VRK1: variants seen among roughly 807,000 people sequenced by gnomAD.
VRK1 encodes the protein VRK serine/threonine kinase 1, also known as serine/threonine-protein kinase VRK1.
In VRK1, 33 loss-of-function variants were observed where a neutral mutation model predicts 57.1. That is an observed-to-expected ratio of 0.58 (90% CI 0.44 to 0.77). The LOEUF (loss-of-function observed/expected upper bound fraction) is 0.77. VRK1 is among the 30% of genes least tolerant of loss of function. VRK1 has a pLI of 0.00. For missense variants in VRK1, 413 were observed against 477.3 expected (o/e 0.87, Z 1.25); for synonymous variants, 137 against 147.8 (o/e 0.93, Z 0.53).
Position 96,876,140 on chromosome 14 carries a change from C to G in VRK1, c.1159+20C>G. ...AGACCCGTAAGTTGAACAGTTTTGC[C>G]TAGCTGCTTTCATAGGTAAACACAA... On this transcript the variant is annotated intron_variant, in intron 12 of 12. Transcript: ENST00000216639. 1.2e-6 allele frequency: 2 copies of G among 1,612,434 alleles called. No homozygotes were observed. The highest frequency in any genetic ancestry group is 3.3e-5 in the Admixed American group (2 of 59,998).
intron 1 of VRK1, among the ~76,000 whole-genome samples, chr14:96,829,895 G>A (rs1250362976): frequency 6.6e-6 from 1 of 151,964 alleles, no homozygotes; most frequent in African/African-American, 2.4e-5. Context: ...TATTGCTATG[G>A]GAGTGGCAGA....
intron 1 of VRK1, among the ~76,000 whole-genome samples, chr14:96,807,021 G>T (rs890972248): frequency 6.6e-6 from 1 of 152,152 alleles, no homozygotes; most frequent in Non-Finnish European, 1.5e-5. Flanking sequence ...ATGATGAAAT[G>T]CCTCCAACGA....
In VRK1 at chr14:96,865,328, G is replaced by C. The variant is rs144271393; in HGVS notation, c.1068+4593G>C. ...AAGACGATCGTGTCCTTACAGCATT[G>C]CAGTGGTAACCATAGGTATTTTAGT... On this transcript the variant is annotated intron_variant, in intron 11 of 12. Transcript: ENST00000216639. 4.5e-3 allele frequency among the ~76,000 whole-genome samples: 685 copies of C among 152,190 alleles called. 5 individuals are homozygous for C. Among genetic ancestry groups the C allele is most frequent in the African/African-American group, 0.016 (658 of 41,510 alleles).
At position 96,851,302 on chromosome 14, in the gene VRK1, G is replaced by A. The variant is rs547921026; in HGVS notation, c.375-1529G>A. Reference sequence around the variant, plus strand: ...ATTACAGGTTCCTGCCACCGTGCCCGGCTAATTTTTGTGTTTTTAGTAGAG... The same window carrying A: ...ATTACAGGTTCCTGCCACCGTGCCCAGCTAATTTTTGTGTTTTTAGTAGAG... On this transcript the variant is annotated intron_variant, in intron 5 of 12. Coordinates refer to ENST00000216639, the MANE Select transcript of VRK1 (RefSeq NM_003384.3). 2.0e-4 allele frequency among the ~76,000 whole-genome samples: 31 copies of A among 151,998 alleles called. No individual in the cohort carries two copies. The South Asian group carries it at 5.0e-3, about 24-fold the overall frequency.
intron 7 of VRK1, 40 bp downstream of exon 7, chr14:96,853,206 TG>T (rs1437580804): frequency 1.9e-6 from 3 of 1,555,590 alleles, no homozygotes; most frequent in Non-Finnish European, 2.7e-6. Flanking sequence ...TAAAGCGTGT[TG>T]TTTGAAAATA....
intron 1 of VRK1, among the ~76,000 whole-genome samples, chr14:96,802,439 T>C (rs1488098404): frequency 1.3e-5 from 2 of 152,202 alleles, no homozygotes; most frequent in Non-Finnish European, 2.9e-5. Context: ...AAACAAACTG[T>C]TGGTTCATGC....
intron 3 of VRK1, among the ~76,000 whole-genome samples, chr14:96,841,439 A>G (rs2139768653): frequency 6.6e-6 from 1 of 152,280 alleles, no homozygotes; most frequent in East Asian, 1.9e-4. Flanking sequence ...TTCTGTTTCC[A>G]TTATCCTTTA....
chr14:96,848,523 A>T (rs115841811), intron 5 of VRK1, among the ~76,000 whole-genome samples: 76 of 152,318 alleles, frequency 5.0e-4, no homozygotes, highest in African/African-American at 1.5e-3. Context: ...CTTGGGATCC[A>T]TGCCTCTCTT....
intron 1 of VRK1, among the ~76,000 whole-genome samples, chr14:96,819,007 G>A (rs1886496008): frequency 6.6e-6 from 1 of 152,178 alleles, no homozygotes; most frequent in African/African-American, 2.4e-5. Flanking sequence ...TTTATAAGAG[G>A]ATTGTCTTTA....
intron 11 of VRK1, among the ~76,000 whole-genome samples, chr14:96,865,604 C>T (rs866677169): frequency 3.3e-5 from 5 of 152,140 alleles, no homozygotes; most frequent in South Asian, 2.1e-4. Context: ...TAGAGCAATT[C>T]GGAAAGAACT....
chr14:96,804,040 C>T (rs1400176041), intron 1 of VRK1, among the ~76,000 whole-genome samples: 2 of 152,192 alleles, frequency 1.3e-5, no homozygotes, highest in Non-Finnish European at 1.5e-5. Flanking sequence ...TAAAGTCCAA[C>T]TTCTCAATAT....
At chr14:96,815,310 T>C (rs1886350729) in intron 1 of VRK1, among the ~76,000 whole-genome samples, 1 of 152,198 alleles carries the variant, frequency 6.6e-6, no homozygotes, top group African/African-American at 2.4e-5. Context: ...AGGTGTATAA[T>C]ATTCTATCTC....
chr14:96,827,545 C>A (rs1886846597), intron 1 of VRK1, among the ~76,000 whole-genome samples: 1 of 151,998 alleles, frequency 6.6e-6, no homozygotes, highest in African/African-American at 2.4e-5. Flanking sequence ...AGCTCACTGG[C>A]CCTACAGAGA....
intron 12 of VRK1, among the ~76,000 whole-genome samples, 200 bp downstream of exon 12, chr14:96,876,320 C>G (rs1889030431): frequency 6.6e-6 from 1 of 152,108 alleles, no homozygotes; most frequent in African/African-American, 2.4e-5. Context: ...AAAGTTGAGA[C>G]TGGGAAGCTT....
rs34415863 is a variant in VRK1 at position 96,867,456 on chromosome 14, A to AGTGTGT, written c.1068+6752_1068+6757dup. Among the ~76,000 whole-genome samples the AGTGTGT allele has an allele frequency of 6.4e-3, 945 of 148,480 alleles. 10 individuals are homozygous for AGTGTGT. The highest frequency in any genetic ancestry group is 0.018 in the East Asian group (89 of 4,940). ...GGCATTCTGCAGATATCTGTGCACA[A>AGTGTGT]GTGTGTGTGTGTGTGTGTGTGTGTG... On this transcript the variant is annotated intron_variant, in intron 11 of 12. Transcript: ENST00000216639.
chr14:96,817,133 C>T (rs889324456), intron 1 of VRK1, among the ~76,000 whole-genome samples: 2 of 152,148 alleles, frequency 1.3e-5, no homozygotes, highest in Non-Finnish European at 2.9e-5. Context: ...TTTAGGTGGA[C>T]ACTCATTATA....
intron 11 of VRK1, among the ~76,000 whole-genome samples, chr14:96,867,465 G>A (rs1888630638): frequency 8.3e-6 from 1 of 119,826 alleles, no homozygotes; most frequent in African/African-American, 4.2e-5. Flanking sequence ...AAGTGTGTGT[G>A]TGTGTGTGTG....
intron 2 of VRK1, among the ~76,000 whole-genome samples, chr14:96,834,946 A>G (rs955481303): frequency 6.6e-6 from 1 of 152,150 alleles, no homozygotes; most frequent in Non-Finnish European, 1.5e-5. Flanking sequence ...CCTGTCTCTA[A>G]AAAAATAGGT....
intron 11 of VRK1, among the ~76,000 whole-genome samples, chr14:96,864,530 C>A (rs1467722545): frequency 1.3e-5 from 2 of 151,992 alleles, no homozygotes; most frequent in Non-Finnish European, 2.9e-5. Flanking sequence ...TCAAATTGTT[C>A]CAGTTTCCGG....
Sources: gnomAD v4.1 joint callset for allele counts (sites outside exome capture counted in the v4.1 genomes callset) on GRCh38, gnomAD v4.1.1 for gene constraint, MANE v1.5 for transcripts, NCBI Gene and HGNC (gene_info 2026-07-23, HGNC 2026-07-21) for gene names.